The following FRMD3 variants were observed in gnomAD, a reference collection of about 807,000 sequenced individuals.
FRMD3 encodes FERM domain-containing protein 3.
In FRMD3, 33 loss-of-function variants were observed where a neutral mutation model predicts 70.2. That is an observed-to-expected ratio of 0.47 (90% CI 0.36 to 0.63). The LOEUF (loss-of-function observed/expected upper bound fraction) is 0.63. FRMD3 is among the 20% of genes least tolerant of loss of function. FRMD3 has a pLI of 0.00. For synonymous variants in FRMD3, 279 were observed against 255.9 expected (o/e 1.09, Z -0.86); for missense variants, 632 against 711.4 (o/e 0.89, Z 1.27).
intron 1 of FRMD3, among the ~76,000 whole-genome samples, chr9:83,434,512 T>TA (rs1253728335): frequency 1.3e-5 from 2 of 152,204 alleles, no homozygotes; most frequent in Admixed American, 1.3e-4. Context: ...ACAAGCCCAA[T>TA]AAACCTAAAC....
At position 83,343,176 on chromosome 9, in the gene FRMD3, G is replaced by A. The variant is rs1167651436; in HGVS notation, c.472+14C>T. Reference sequence around the variant, plus strand: ...AGTGCAAAGGTGGCGTGGGTGAGCTGTGGCCAGACTTACCTTGAACAATAC... The same window carrying A: ...AGTGCAAAGGTGGCGTGGGTGAGCTATGGCCAGACTTACCTTGAACAATAC... On this transcript the variant is annotated intron_variant, in intron 5 of 13. Transcript: ENST00000304195. 1 of 1,581,652 alleles carries A rather than the reference G, an allele frequency of 6.3e-7. No individual in the cohort carries two copies. The highest frequency in any genetic ancestry group is 8.7e-7 in the Non-Finnish European group (1 of 1,150,338).
At chr9:83,259,737 G>C (rs1006836280) in intron 13 of FRMD3, among the ~76,000 whole-genome samples, 5 of 152,136 alleles carry the variant, frequency 3.3e-5, no homozygotes, top group African/African-American at 9.7e-5. Context: ...ATGTGAAACT[G>C]TCAGGTCTCT....
chr9:83,536,065 T>A (rs926012964), intron 1 of FRMD3, among the ~76,000 whole-genome samples: 3 of 152,216 alleles, frequency 2.0e-5, no homozygotes, highest in African/African-American at 4.8e-5. Context: ...ATAAAATATT[T>A]TAATTTATTT....
chr9:83,415,371 C>T (rs1358230023), intron 1 of FRMD3, among the ~76,000 whole-genome samples: 1 of 151,856 alleles, frequency 6.6e-6, no homozygotes, highest in Non-Finnish European at 1.5e-5. Context: ...TTTTAAAATA[C>T]GCAGGAAATA....
At chr9:83,406,151 A>C (rs1807355316) in intron 1 of FRMD3, among the ~76,000 whole-genome samples, 1 of 152,146 alleles carries the variant, frequency 6.6e-6, no homozygotes, top group Non-Finnish European at 1.5e-5. Context: ...TTCGGATCTC[A>C]CAGAGCACAG....
At chr9:83,538,416 C>T (rs550259581), upstream of FRMD3, 36 of 411,730 alleles carry the variant, frequency 8.7e-5, 2 homozygotes, top group South Asian at 4.1e-3. This position sits in a 1 kb window ranked among gnomAD's most constrained non-coding sequence, Gnocchi z 4.7. Context: ...GGGTCCCTCC[C>T]TCTGTTCGCT....
chr9:83,474,587 C>A (rs1204349621), intron 1 of FRMD3, among the ~76,000 whole-genome samples: 2 of 151,878 alleles, frequency 1.3e-5, no homozygotes, highest in African/African-American at 4.8e-5. Context: ...AATTTTAAAG[C>A]CTAAAAAACA....
chr9:83,418,677 G>A (rs905900778), intron 1 of FRMD3, among the ~76,000 whole-genome samples: 2 of 152,188 alleles, frequency 1.3e-5, no homozygotes, highest in East Asian at 1.9e-4. Flanking sequence ...TTACACTGCT[G>A]GTGGGAATGT....
chr9:83,423,301 G>A (rs956674306), intron 1 of FRMD3, among the ~76,000 whole-genome samples: 1 of 152,178 alleles, frequency 6.6e-6, no homozygotes, highest in African/African-American at 2.4e-5. Flanking sequence ...GAAAGCAAGA[G>A]TGTCAGGAAT....
intron 13 of FRMD3, among the ~76,000 whole-genome samples, chr9:83,257,028 C>A (rs1832738990): frequency 6.6e-6 from 1 of 152,062 alleles, no homozygotes; most frequent in Non-Finnish European, 1.5e-5. Flanking sequence ...TGGGTTTATA[C>A]CCAAAGGAAT....
intron 1 of FRMD3, among the ~76,000 whole-genome samples, chr9:83,390,008 G>C (rs1825622840): frequency 6.6e-6 from 1 of 152,148 alleles, no homozygotes; most frequent in Admixed American, 6.6e-5. Flanking sequence ...TTATGACTCA[G>C]AGTACTAATT....
rs573091107 is a variant in FRMD3 at position 83,337,024 on chromosome 9, C to A, written c.473-1385G>T. On this transcript the variant is annotated intron_variant, in intron 5 of 13. Transcript: ENST00000304195. Reference sequence around the variant, plus strand: ...TCTGCCTCACCTTTTGTTGTATAGGCCCTAATGATAATACATTTAAATGTT... The same window carrying A: ...TCTGCCTCACCTTTTGTTGTATAGGACCTAATGATAATACATTTAAATGTT... Among the ~76,000 whole-genome samples the A allele has an allele frequency of 2.0e-5, 3 of 152,156 alleles. No homozygotes were observed. In the East Asian group the frequency reaches 5.8e-4, roughly 29 times the overall value.
chr9:83,336,701 A>C (rs7033063), intron 5 of FRMD3, among the ~76,000 whole-genome samples: 44,981 of 139,586 alleles, frequency 0.32, 7,568 homozygotes, highest in African/African-American at 0.42. Context: ...CATTGCCCCC[A>C]CTTGGCCAAG....
intron 1 of FRMD3, among the ~76,000 whole-genome samples, chr9:83,525,286 C>T (rs568046540): frequency 9.9e-5 from 15 of 152,248 alleles, no homozygotes; most frequent in South Asian, 2.1e-4. Flanking sequence ...ATATTTCAAA[C>T]GTTAGCATAA....
intron 1 of FRMD3, among the ~76,000 whole-genome samples, chr9:83,455,648 T>C (rs567621070): frequency 1.0e-3 from 159 of 152,302 alleles, no homozygotes; most frequent in Non-Finnish European, 1.5e-3. Context: ...GACTAATATA[T>C]ATATACATCA....
At chr9:83,334,347 G>A (rs1823504497) in intron 6 of FRMD3, among the ~76,000 whole-genome samples, 1 of 152,082 alleles carries the variant, frequency 6.6e-6, no homozygotes, top group Non-Finnish European at 1.5e-5. Flanking sequence ...TTATCTCTAA[G>A]ACTAAGCGTC....
At chr9:83,469,671 T>A (rs1027592038) in intron 1 of FRMD3, among the ~76,000 whole-genome samples, 2 of 152,114 alleles carry the variant, frequency 1.3e-5, no homozygotes, top group African/African-American at 2.4e-5. Flanking sequence ...CGTCCTTTTT[T>A]ATTTGAGACA....
At chr9:83,501,249 G>T (rs1829061801) in intron 1 of FRMD3, among the ~76,000 whole-genome samples, 1 of 152,050 alleles carries the variant, frequency 6.6e-6, no homozygotes, top group African/African-American at 2.4e-5. Flanking sequence ...AGCCGAGATG[G>T]TGCCACTGCA....
intron 5 of FRMD3, among the ~76,000 whole-genome samples, chr9:83,341,923 GT>G (rs752340667): frequency 1.3e-5 from 2 of 152,118 alleles, no homozygotes; most frequent in Non-Finnish European, 2.9e-5. Flanking sequence ...AGAATGACAG[GT>G]TTCTCAATCA....
Sources: allele counts gnomAD v4.1 joint callset (sites outside exome capture counted in the v4.1 genomes callset), GRCh38; gene constraint gnomAD v4.1.1; non-coding constraint Gnocchi (gnomAD v3.1); transcripts MANE v1.5; gene names NCBI Gene and HGNC (gene_info 2026-07-23, HGNC 2026-07-21).